The following TULP4 variants were observed in gnomAD, a reference collection of about 807,000 sequenced individuals.
TULP4 encodes TUB like protein 4, also known as tubby-related protein 4.
Under a neutral mutation model 129.0 loss-of-function variants are expected in TULP4, and 16 were observed. The observed-to-expected ratio is 0.12, with a 90% CI of 0.08 to 0.19. The LOEUF is 0.19. Among genes scored for constraint, TULP4 ranks in the 10% least tolerant of loss-of-function variants. The pLI is 1.00. For synonymous variants in TULP4, 998 were observed against 854.0 expected (o/e 1.17, Z -2.94); for missense variants, 1,842 against 2,059.1 (o/e 0.89, Z 2.04).
intron 1 of TULP4, among the ~76,000 whole-genome samples, chr6:158,255,106 C>CT (rs765127873): frequency 3.3e-5 from 5 of 151,998 alleles, no homozygotes; most frequent in Non-Finnish European, 7.4e-5. Context: ...CAGAAAAACT[C>CT]TGTGTCCCTT....
At chr6:158,411,720 C>T (rs341161) in intron 1 of TULP4, among the ~76,000 whole-genome samples, 36,592 of 152,060 alleles carry the variant, frequency 0.24, 5,670 homozygotes, top group Non-Finnish European at 0.35. Flanking sequence ...TCCTCCTAGC[C>T]CTCTGGTGCC....
intron 3 of TULP4, among the ~76,000 whole-genome samples, chr6:158,440,726 C>A (rs983292345): frequency 1.3e-5 from 2 of 152,188 alleles, no homozygotes; most frequent in Admixed American, 6.5e-5. Context: ...CCCTTCAGGG[C>A]TATCTTTATC....
At chr6:158,263,712 C>T (rs1562498694) in intron 1 of TULP4, among the ~76,000 whole-genome samples, 1 of 152,086 alleles carries the variant, frequency 6.6e-6, no homozygotes, top group Non-Finnish European at 1.5e-5. Context: ...GCCATGTTTG[C>T]ACCACTGCAC....
intron 12 of TULP4, among the ~76,000 whole-genome samples, chr6:158,499,101 T>C (rs574861855): frequency 6.6e-6 from 1 of 152,334 alleles, no homozygotes; most frequent in South Asian, 2.1e-4. Context: ...CTCACAGCTA[T>C]CCTCTTAGTC....
chr6:158,301,577 G>A (rs190736030), intron 1 of TULP4, among the ~76,000 whole-genome samples: 2 of 152,282 alleles, frequency 1.3e-5, no homozygotes, highest in Admixed American at 6.5e-5. Context: ...CAATTAGGGT[G>A]GCCATTTGGT....
chr6:158,298,441 C>T (rs913997778), intron 1 of TULP4, among the ~76,000 whole-genome samples: 4 of 152,162 alleles, frequency 2.6e-5, no homozygotes, highest in Non-Finnish European at 5.9e-5. Flanking sequence ...CCGGTCCCTC[C>T]GTTTGGGGTC....
intron 1 of TULP4, among the ~76,000 whole-genome samples, chr6:158,260,448 C>T (rs865876348): frequency 6.6e-6 from 1 of 151,874 alleles, no homozygotes; most frequent in Non-Finnish European, 1.5e-5. Flanking sequence ...AGGTGGTGGG[C>T]GCCTGTAGTC....
At chr6:158,361,835 T>C (rs1215955216) in intron 1 of TULP4, among the ~76,000 whole-genome samples, 1 of 152,210 alleles carries the variant, frequency 6.6e-6, no homozygotes, top group Admixed American at 6.5e-5. Flanking sequence ...GAGTGTATAT[T>C]GGTTTAAATT....
At chr6:158,404,431 C>A (rs560602087) in intron 1 of TULP4, among the ~76,000 whole-genome samples, 14 of 152,160 alleles carry the variant, frequency 9.2e-5, no homozygotes, top group African/African-American at 3.1e-4. Flanking sequence ...TAAAATAAAA[C>A]CCTTAAGAAT....
intron 3 of TULP4, among the ~76,000 whole-genome samples, chr6:158,430,999 C>A (rs533344061): frequency 7.9e-4 from 120 of 151,998 alleles, no homozygotes; most frequent in Admixed American, 1.5e-3. Flanking sequence ...AGTAAAAAGA[C>A]AAATATTTTT....
chr6:158,495,265 C>A (rs542735218), intron 11 of TULP4, among the ~76,000 whole-genome samples: 2 of 152,214 alleles, frequency 1.3e-5, no homozygotes, highest in Middle Eastern at 3.4e-3. Flanking sequence ...ATTGTCCATG[C>A]TGGTCTCAAA....
At chr6:158,387,578 A>C (rs1777477831) in intron 1 of TULP4, among the ~76,000 whole-genome samples, 1 of 152,222 alleles carries the variant, frequency 6.6e-6, no homozygotes, top group Non-Finnish European at 1.5e-5. Flanking sequence ...GTTTTCCATC[A>C]TCCAAGGCAT....
At position 158,510,308 on chromosome 6, in the gene TULP4, A is replaced by G. The variant is rs1208526571; in HGVS notation, c.*3614A>G. The G allele has an allele frequency of 3.9e-5, 6 of 152,336 alleles. No individual in the cohort carries two copies. Among genetic ancestry groups the G allele is most frequent in the Non-Finnish European group, 8.8e-5 (6 of 68,056 alleles). 9.4% of individuals were successfully genotyped at this position (152,336 alleles called of 1,614,324 possible). ...GGACATGGAAGAATGTGTTATGTTC[A>G]TCTTGTAATCATAGCAAAAAGTCTG... On this transcript the variant is annotated 3_prime_UTR_variant, in exon 14 of 14. Coordinates refer to ENST00000367097, the MANE Select transcript of TULP4 (RefSeq NM_020245.5).
At position 158,394,818 on chromosome 6, in the gene TULP4, A is replaced by G. The variant is rs561181238; in HGVS notation, c.253-18247A>G. Among the ~76,000 whole-genome samples, 37 of 148,512 alleles carry G rather than the reference A, an allele frequency of 2.5e-4. 1 individual carries two copies. The East Asian group carries it at 6.7e-3, about 27-fold the overall frequency. On this transcript the variant is annotated intron_variant, in intron 1 of 13. Coordinates refer to ENST00000367097, the MANE Select transcript of TULP4 (RefSeq NM_020245.5). ...AAAAAAAAAAAAAAAAAAAAAAGGA[A>G]CTACCTGAGGCAGGGTAATTTATGA...
intron 3 of TULP4, among the ~76,000 whole-genome samples, chr6:158,439,197 A>G (rs1435360343): frequency 6.6e-6 from 1 of 152,006 alleles, no homozygotes; most frequent in Non-Finnish European, 1.5e-5. Context: ...TAATTTACCG[A>G]TATTTGGTGT....
chr6:158,326,704 AAGC>A (rs1312359125), intron 1 of TULP4, among the ~76,000 whole-genome samples: 1 of 152,162 alleles, frequency 6.6e-6, no homozygotes, highest in Non-Finnish European at 1.5e-5. Flanking sequence ...GAGTTTTTAG[AAGC>A]ATAGTAGTTA....
intron 1 of TULP4, among the ~76,000 whole-genome samples, chr6:158,257,869 G>A (rs1001301228): frequency 6.6e-6 from 1 of 152,208 alleles, no homozygotes; most frequent in African/African-American, 2.4e-5. Flanking sequence ...GGCTGGAGGA[G>A]TTAAGTCTGT....
At chr6:158,258,565 C>T (rs146832571) in intron 1 of TULP4, among the ~76,000 whole-genome samples, 3 of 152,290 alleles carry the variant, frequency 2.0e-5, no homozygotes, top group Non-Finnish European at 4.4e-5. Flanking sequence ...TCCGTCCTTG[C>T]TGCAGTTTAT....
At chr6:158,321,271 C>G (rs1441365019) in intron 1 of TULP4, among the ~76,000 whole-genome samples, 1 of 152,160 alleles carries the variant, frequency 6.6e-6, no homozygotes, top group Non-Finnish European at 1.5e-5. Flanking sequence ...GTTCTGGCCT[C>G]TGCTTTCCGC....
Sources: gnomAD v4.1 joint callset for allele counts (sites outside exome capture counted in the v4.1 genomes callset) on GRCh38, gnomAD v4.1.1 for gene constraint, MANE v1.5 for transcripts, NCBI Gene and HGNC (gene_info 2026-07-23, HGNC 2026-07-21) for gene names.